Variants in TVP23B observed in about 807,000 individuals in gnomAD.
The protein encoded by TVP23B is Golgi apparatus membrane protein TVP23 homolog B.
Under a neutral mutation model 30.6 loss-of-function variants are expected in TVP23B, and 10 were observed. The ratio of observed to expected loss-of-function variants is 0.33; its 90% CI spans 0.20 to 0.55. The LOEUF is 0.55. Ranked by LOEUF, TVP23B falls within the 20% of genes least tolerant of loss-of-function variation. The probability of loss-of-function intolerance (pLI) is 0.91; values close to 1 mark genes in which losing one functional copy is unlikely to be tolerated. For synonymous variants in TVP23B, 67 were observed against 83.1 expected (o/e 0.81, Z 1.06); for missense variants, 153 against 243.2 (o/e 0.63, Z 2.47).
intron 5 of TVP23B, 138 bp downstream of exon 5, chr17:18,799,081 T>A: frequency 9.6e-7 from 1 of 1,045,000 alleles, no homozygotes; most frequent in South Asian, 2.3e-5. Flanking sequence ...TCCCAAGTTT[T>A]GCTTCCCAAC....
chr17:18,787,658 A>G (rs562941442), intron 1 of TVP23B, among the ~76,000 whole-genome samples: 59 of 152,186 alleles, frequency 3.9e-4, no homozygotes, highest in Non-Finnish European at 7.8e-4. Context: ...CTGAGACAAC[A>G]TGTGAAAGGC....
Position 18,790,836 on chromosome 17 carries a change from A to G in TVP23B, c.96-60A>G, listed in dbSNP as rs894113454. On this transcript the variant is annotated intron_variant, in intron 2 of 6. Transcript: ENST00000307767. ...CGATGGCTAAAACATTTTTCTCTACATTTGCTAGTACCTGTAGTAAAATGT... is the reference window on the plus strand; with the variant it reads ...CGATGGCTAAAACATTTTTCTCTACGTTTGCTAGTACCTGTAGTAAAATGT... 7 of 1,496,974 alleles carry G rather than the reference A, an allele frequency of 4.7e-6. No individual in the cohort carries two copies. In the African/African-American group the frequency reaches 8.5e-5, roughly 18 times the overall value. The allele number at this position is 1,496,974 out of a possible 1,614,324, so 92.7% of individuals were successfully genotyped here. A position where few individuals can be genotyped will look rare whatever the true frequency, so the allele number is the denominator to read the frequency against.
chr17:18,798,738 T>G (rs2036113404), intron 4 of TVP23B, 74 bp from the exon 5 acceptor site: 3 of 1,557,154 alleles, frequency 1.9e-6, no homozygotes, highest in Non-Finnish European at 2.6e-6. Flanking sequence ...GGGTAATATG[T>G]TTTTTATTAA....
chr17:18,789,301 G>C (rs546507356), intron 1 of TVP23B, 52 bp from the exon 2 acceptor site: 6 of 1,611,824 alleles, frequency 3.7e-6, no homozygotes, highest in Middle Eastern at 1.7e-4. Flanking sequence ...TGCAGTGGCT[G>C]TGTAAACACT....
At chr17:18,788,503 C>T (rs918087788) in intron 1 of TVP23B, among the ~76,000 whole-genome samples, 1 of 152,100 alleles carries the variant, frequency 6.6e-6, no homozygotes, top group South Asian at 2.1e-4. Context: ...CAATAGAGGC[C>T]GGGCGTGGTG....
chr17:18,781,719 C>T, intron 1 of TVP23B: 1 of 234,784 alleles, frequency 4.3e-6, no homozygotes. Flanking sequence ...TGTTTCCAAA[C>T]TAATGTTGTT....
intron 6 of TVP23B, among the ~76,000 whole-genome samples, chr17:18,805,285 C>T (rs914477493): frequency 4.0e-5 from 6 of 151,826 alleles, no homozygotes; most frequent in Middle Eastern, 3.4e-3. Flanking sequence ...GGGGTTTCAC[C>T]GTGTTAGCCA....
intron 5 of TVP23B, among the ~76,000 whole-genome samples, chr17:18,800,647 T>C (rs1299765670): frequency 6.6e-6 from 1 of 152,058 alleles, no homozygotes; most frequent in Non-Finnish European, 1.5e-5. Flanking sequence ...TTTTTTTTAG[T>C]TCATGTAACC....
intron 3 of TVP23B, among the ~76,000 whole-genome samples, chr17:18,794,728 A>C (rs1474929452): frequency 6.6e-6 from 1 of 152,092 alleles, no homozygotes; most frequent in African/African-American, 2.4e-5. Context: ...CATTCTTTGA[A>C]AATACCTATA....
chr17:18,786,895 C>T lies in TVP23B; in HGVS notation c.13-2458C>T, dbSNP rs1298759346. ...ACGCGGACTGTCAGGGCCCAGCTGA[C>T]AAACTCTCCTCCAGAAAGCTTCTCC... On this transcript the variant is annotated intron_variant, in intron 1 of 6. Transcript: ENST00000307767. Among the ~76,000 whole-genome samples the T allele has an allele frequency of 3.3e-5, 5 of 149,548 alleles. No individual in the cohort carries two copies. In the South Asian group the frequency reaches 1.1e-3, roughly 32 times the overall value.
At position 18,804,147 on chromosome 17, in the gene TVP23B, A is replaced by G. The variant is rs764752655; in HGVS notation, c.472A>G (p.Ile158Val). 1.2e-6 allele frequency: 2 copies of G among 1,613,966 alleles called. No individual in the cohort carries two copies. The highest frequency in any genetic ancestry group is 2.2e-5 in the South Asian group (2 of 91,062). ...SFRVKWLAVV[I>V]MGVVLQGANL... ...TTTTCCCTTGTCCCAGGCGGTGGTTATCATGGGTGTGGTGCTACAAGGTGC... is the reference window on the plus strand; with the variant it reads ...TTTTCCCTTGTCCCAGGCGGTGGTTGTCATGGGTGTGGTGCTACAAGGTGC... Residue 158 changes from isoleucine (I) to valine (V), a missense_variant, in exon 6 of 7, where the codon ATC (isoleucine) becomes GTC (valine). By Grantham distance (29) the Ile-to-Val change is conservative (BLOSUM62 3). Transcript: ENST00000307767.
At chr17:18,802,623 T>C (rs1266994384) in intron 5 of TVP23B, among the ~76,000 whole-genome samples, 1 of 152,144 alleles carries the variant, frequency 6.6e-6, no homozygotes, top group Non-Finnish European at 1.5e-5. Flanking sequence ...CAGCCCTTTT[T>C]TATGTTTGTT....
At chr17:18,795,175 C>T (rs2036059300) in intron 3 of TVP23B, among the ~76,000 whole-genome samples, 1 of 151,712 alleles carries the variant, frequency 6.6e-6, no homozygotes, top group African/African-American at 2.4e-5. Context: ...TACAGGCATG[C>T]ACCACCATGC....
chr17:18,805,078 CTTTT>C (rs71155360), intron 6 of TVP23B, among the ~76,000 whole-genome samples: 13 of 108,724 alleles, frequency 1.2e-4, no homozygotes, highest in Non-Finnish European at 2.3e-4. Flanking sequence ...GTGACTAGGT[CTTTT>C]TTTTTTTTTT....
chr17:18,784,296 C>T (rs2035866460), intron 1 of TVP23B, among the ~76,000 whole-genome samples: 1 of 152,140 alleles, frequency 6.6e-6, no homozygotes, highest in South Asian at 2.1e-4. Flanking sequence ...GTCTCTCTTC[C>T]CCTCTCCCAA....
At chr17:18,800,524 C>A (rs181348329) in intron 5 of TVP23B, among the ~76,000 whole-genome samples, 68 of 152,268 alleles carry the variant, frequency 4.5e-4, no homozygotes, top group African/African-American at 1.6e-3. Flanking sequence ...TCTTGGGTCA[C>A]AGTTTGTTTC....
chr17:18,792,790 T>C (rs1597618764), intron 3 of TVP23B, among the ~76,000 whole-genome samples: 1 of 152,292 alleles, frequency 6.6e-6, no homozygotes, highest in East Asian at 1.9e-4. Context: ...AATGGAGATA[T>C]AAAGCAAAAT....
intron 4 of TVP23B, 101 bp from the exon 5 acceptor site, chr17:18,798,711 T>C (rs2036112776): frequency 1.4e-6 from 2 of 1,476,658 alleles, no homozygotes; most frequent in Non-Finnish European, 1.8e-6. Flanking sequence ...GCTGTGTGTA[T>C]TAATATTTGA....
chr17:18,783,386 G>A (rs2035841458), intron 1 of TVP23B, among the ~76,000 whole-genome samples: 1 of 152,202 alleles, frequency 6.6e-6, no homozygotes, highest in African/African-American at 2.4e-5. Flanking sequence ...GATTACAGGC[G>A]TGAGCCGCCA....
Sources: gnomAD v4.1 joint callset for allele counts (sites outside exome capture counted in the v4.1 genomes callset) on GRCh38, gnomAD v4.1.1 for gene constraint, MANE v1.5 for transcripts, NCBI Gene and HGNC (gene_info 2026-07-23, HGNC 2026-07-21) for gene names.